Variants in ADCY9 observed in about 807,000 individuals in gnomAD.
ADCY9 encodes adenylate cyclase 9, also known as adenylate cyclase type 9.
Under a neutral mutation model 101.5 loss-of-function variants are expected in ADCY9, and 50 were observed. The observed-to-expected ratio is 0.49, with a 90% CI of 0.39 to 0.62. The LOEUF is 0.62. ADCY9 is among the 20% of genes least tolerant of loss of function. ADCY9 has a pLI of 0.00. For missense variants in ADCY9, 1,662 were observed against 1,800.4 expected (o/e 0.92, Z 1.39); for synonymous variants, 905 against 769.3 (o/e 1.18, Z -2.92).
chr16:4,111,320 G>A (rs1288526828), intron 2 of ADCY9, among the ~76,000 whole-genome samples: 4 of 152,146 alleles, frequency 2.6e-5, no homozygotes, highest in African/African-American at 9.7e-5. Flanking sequence ...GAGTTGCTCT[G>A]TCGCCCAGGC....
At position 3,966,820 on chromosome 16, in the gene ADCY9, A is replaced by T. The variant is rs1374494955; in HGVS notation, c.3017T>A (p.Leu1006His). 1 of 1,614,152 alleles carries T rather than the reference A, an allele frequency of 6.2e-7. No homozygotes were observed. The highest frequency in any genetic ancestry group is 2.2e-5 in the East Asian group (1 of 44,882). Residue 1006 changes from leucine (L) to histidine (H), a missense_variant, in exon 11 of 11, where the codon CTC (leucine) becomes CAC (histidine). Leu to His is a moderately conservative substitution (Grantham distance 99, BLOSUM62 -3). Around this residue, in one of 5 missense-constraint regions of ADCY9, gnomAD observed 624 missense variants for 639.1 expected, o/e 0.98. Transcript: ENST00000294016. ...LNREFEVSYR[L>H]HYHGDVEADL... ...CGCTTCCACGTCTCCGTGGTAGTGG[A>T]GGCGGTAGCTGACTTCAAATTCGCG... is the stretch of plus-strand genomic sequence containing the variant.
intron 3 of ADCY9, among the ~76,000 whole-genome samples, chr16:3,999,880 T>C (rs974970612): frequency 1.3e-5 from 2 of 152,216 alleles, no homozygotes; most frequent in African/African-American, 4.8e-5. Flanking sequence ...CACAAAGCTA[T>C]AAAATCGTTT....
chr16:4,071,530 C>A (rs2056834764), intron 2 of ADCY9, among the ~76,000 whole-genome samples: 5 of 152,104 alleles, frequency 3.3e-5, no homozygotes, highest in South Asian at 4.2e-4. Flanking sequence ...TATAAAGCAA[C>A]TAAAATTTGT....
chr16:4,046,605 T>A (rs1236855782), intron 2 of ADCY9, among the ~76,000 whole-genome samples: 17 of 152,206 alleles, frequency 1.1e-4, no homozygotes, highest in Non-Finnish European at 2.1e-4. Context: ...CTGAGGCTGT[T>A]TTACAGCCCT....
chr16:3,986,748 G>A lies in ADCY9; in HGVS notation c.2310+2246C>T, dbSNP rs568152730. Among the ~76,000 whole-genome samples, 12 of 152,202 alleles carry A rather than the reference G, an allele frequency of 7.9e-5. No homozygotes were observed. The South Asian group carries it at 1.9e-3, about 24-fold the overall frequency. ...GCTGGGATTACAGGCATGAGCCACC[G>A]CGCCCGGCCATGTTTTTCTTCTTTT... On this transcript the variant is annotated intron_variant, in intron 6 of 10. Coordinates refer to ENST00000294016, the MANE Select transcript of ADCY9 (RefSeq NM_001116.4).
intron 3 of ADCY9, among the ~76,000 whole-genome samples, chr16:3,994,918 G>A (rs1203731893): frequency 6.6e-6 from 1 of 152,174 alleles, no homozygotes; most frequent in Non-Finnish European, 1.5e-5. Context: ...AAAGGTACAC[G>A]ATTTCCAGAT....
intron 2 of ADCY9, among the ~76,000 whole-genome samples, chr16:4,064,556 T>G (rs913909605): frequency 6.6e-6 from 1 of 152,152 alleles, no homozygotes; most frequent in Non-Finnish European, 1.5e-5. Context: ...CACTGCAGCC[T>G]CAGTTTCCTG....
At chr16:4,015,960 C>A (rs2056435786) in intron 2 of ADCY9, among the ~76,000 whole-genome samples, 1 of 142,084 alleles carries the variant, frequency 7.0e-6, no homozygotes, top group South Asian at 2.3e-4. Context: ...AGAATGAGAC[C>A]CTGTCTCAAA....
At chr16:3,971,437 C>G (rs2056051069) in intron 10 of ADCY9, among the ~76,000 whole-genome samples, 1 of 152,176 alleles carries the variant, frequency 6.6e-6, no homozygotes, top group African/African-American at 2.4e-5. Flanking sequence ...CTTTGTGACT[C>G]AACGCCTATG....
chr16:4,054,839 T>C (rs1865086507), intron 2 of ADCY9, among the ~76,000 whole-genome samples: 1 of 152,156 alleles, frequency 6.6e-6, no homozygotes. Context: ...AGTGCTGGGA[T>C]TACAGGTGTG....
In ADCY9 at chr16:4,000,968, TACACACACAC is replaced by T. The variant is rs141254290; in HGVS notation, c.1884+6390_1884+6399del. ...GCACATACATTTCCATCCCTCTCTC[TACACACACAC>T]ACACACACACACACACACACACACA... On this transcript the variant is annotated intron_variant, in intron 3 of 10. Coordinates refer to ENST00000294016, the MANE Select transcript of ADCY9 (RefSeq NM_001116.4). 2.6e-4 allele frequency among the ~76,000 whole-genome samples: 33 copies of T among 125,334 alleles called. 2 individuals are homozygous for T. In the East Asian group the frequency reaches 3.9e-3, roughly 15 times the overall value. The allele number at this position is 125,334 out of a possible 152,430, so 82.2% of individuals were successfully genotyped here.
chr16:3,986,286 C>A (rs187013351), intron 6 of ADCY9, among the ~76,000 whole-genome samples: 1 of 152,220 alleles, frequency 6.6e-6, no homozygotes, highest in Non-Finnish European at 1.5e-5. Context: ...TCCCCAAACG[C>A]GGGCCAGCTG....
intron 2 of ADCY9, among the ~76,000 whole-genome samples, chr16:4,053,620 T>C (rs933617971): frequency 6.6e-6 from 1 of 152,170 alleles, no homozygotes; most frequent in African/African-American, 2.4e-5. Context: ...TTTCCCTTTT[T>C]TGGAGACTGA....
chr16:3,963,636 G>A lies in ADCY9; in HGVS notation c.*2139C>T, dbSNP rs772781035. 3.1e-6 allele frequency: 1 copy of A among 327,064 alleles called. No individual in the cohort carries two copies. Among genetic ancestry groups the A allele is most frequent in the Non-Finnish European group, 5.5e-6 (1 of 180,844 alleles). The allele number at this position is 327,064 out of a possible 1,614,324, so 20.3% of individuals were successfully genotyped here. A position where few individuals can be genotyped will look rare whatever the true frequency, so the allele number is the denominator to read the frequency against. On this transcript the variant is annotated 3_prime_UTR_variant, in exon 11 of 11. Transcript: ENST00000294016. ...GGAAGGAAATGGGCTTGATGGGGAAGAAGTGTGTGCGGAGAACTTTGCGGA... is the reference window on the plus strand; with the variant it reads ...GGAAGGAAATGGGCTTGATGGGGAAAAAGTGTGTGCGGAGAACTTTGCGGA...
intron 2 of ADCY9, among the ~76,000 whole-genome samples, chr16:4,097,709 G>A (rs1434009728): frequency 6.6e-6 from 1 of 150,834 alleles, no homozygotes; most frequent in African/African-American, 2.4e-5. Context: ...ACCATGCCCA[G>A]CTGATTTTTG....
At chr16:4,037,180 T>C (rs1189727375) in intron 2 of ADCY9, among the ~76,000 whole-genome samples, 5 of 152,038 alleles carry the variant, frequency 3.3e-5, no homozygotes, top group Non-Finnish European at 7.4e-5. Flanking sequence ...TAGACAGGCA[T>C]GGTGGTACAT....
At chr16:3,996,935 G>T (rs1555507862) in intron 3 of ADCY9, among the ~76,000 whole-genome samples, 1 of 152,066 alleles carries the variant, frequency 6.6e-6, no homozygotes, top group Non-Finnish European at 1.5e-5. Context: ...GGAGATCTTG[G>T]CTCACTGCAA....
At chr16:4,006,297 G>A (rs2056366848) in intron 3 of ADCY9, among the ~76,000 whole-genome samples, 6 of 152,160 alleles carry the variant, frequency 3.9e-5, no homozygotes, top group South Asian at 4.2e-4. Flanking sequence ...AAATGCCAGC[G>A]GTGCCAAGGT....
At chr16:4,019,633 CCT>C (rs897397278) in intron 2 of ADCY9, among the ~76,000 whole-genome samples, 20 of 152,276 alleles carry the variant, frequency 1.3e-4, no homozygotes, top group African/African-American at 3.4e-4. Context: ...CAGAAACTCC[CCT>C]GTCTTATGGC....
Sources: allele counts gnomAD v4.1 joint callset (sites outside exome capture counted in the v4.1 genomes callset), GRCh38; gene constraint gnomAD v4.1.1; regional missense constraint gnomAD v4.1.1; transcripts MANE v1.5; gene names NCBI Gene and HGNC (gene_info 2026-07-23, HGNC 2026-07-21).